MAGI1: variants seen among roughly 807,000 people sequenced by gnomAD.
MAGI1 encodes the protein membrane-associated guanylate kinase, WW and PDZ domain-containing protein 1.
A neutral mutation model predicts 139.9 loss-of-function variants in MAGI1; 58 were observed. That is an observed-to-expected ratio of 0.41 (90% CI 0.34 to 0.52). MAGI1 has a LOEUF of 0.52. Among genes scored for constraint, MAGI1 ranks in the 20% least tolerant of loss-of-function variants. The pLI, the probability that MAGI1 is intolerant of heterozygous loss-of-function variation, is 0.12. For missense variants in MAGI1, 1,874 were observed against 1,901.6 expected, an observed-to-expected ratio of 0.99 and a Z score of 0.27; for synonymous variants, 812 against 737.9, an observed-to-expected ratio of 1.10 and a Z score of -1.63.
chr3:65,440,865 G>C (rs1158200922), intron 8 of MAGI1, among the ~76,000 whole-genome samples: 2 of 148,748 alleles, frequency 1.3e-5, no homozygotes, highest in Non-Finnish European at 3.0e-5. Context: ...ACATATATAT[G>C]TATACACATA....
intron 1 of MAGI1, among the ~76,000 whole-genome samples, chr3:65,749,250 C>G (rs2035945415): frequency 6.6e-6 from 1 of 152,122 alleles, no homozygotes; most frequent in African/African-American, 2.4e-5. Context: ...TGATGCAATT[C>G]ATAAGAGCTG....
Position 65,429,576 on chromosome 3 carries a change from T to A in MAGI1, c.2111A>T (p.Asp704Val). The A allele has an allele frequency of 6.2e-7, 1 of 1,613,930 alleles. No homozygotes were observed. The highest frequency in any genetic ancestry group is 8.5e-7 in the Non-Finnish European group (1 of 1,179,900). The change falls in exon 12 of 23, where the codon GAT becomes GTT. Residue 704 changes from aspartate to valine, a missense_variant. Asp to Val is a radical substitution (Grantham distance 152, BLOSUM62 -3). Around this residue, in one of 5 missense-constraint regions of MAGI1, gnomAD observed 482 missense variants for 509.6 expected, o/e 0.95. Coordinates refer to ENST00000402939, the MANE Select transcript of MAGI1 (RefSeq NM_001033057.2). Reference sequence around the variant, plus strand: ...TCCCTTAGGACACTCAACCAGCATATCCACCACTTGGTTGTGAGTTAGGGC... The same window carrying A: ...TCCCTTAGGACACTCAACCAGCATAACCACCACTTGGTTGTGAGTTAGGGC... ...VQALTHNQVV[D>V]MLVECPKGSE...
chr3:65,494,426 A>G (rs768537961), intron 2 of MAGI1, among the ~76,000 whole-genome samples: 2 of 152,218 alleles, frequency 1.3e-5, no homozygotes, highest in Non-Finnish European at 2.9e-5. Context: ...AATCTCAGTC[A>G]ACAAAGTGGA....
rs185835891 is a variant in MAGI1 at position 65,543,536 on chromosome 3, T to C, written c.431-49905A>G. On this transcript the variant is annotated intron_variant, in intron 2 of 22. Coordinates refer to ENST00000402939, the MANE Select transcript of MAGI1 (RefSeq NM_001033057.2). ...TCAATGATAGACTGGATAAAGAAAA[T>C]GTGGCACATATATACCATGGAATAC... Among the ~76,000 whole-genome samples, 1,033 of 152,014 alleles carry C rather than the reference T, an allele frequency of 6.8e-3. 13 individuals are homozygous for C. The highest frequency in any genetic ancestry group is 0.028 in the Middle Eastern group (8 of 290).
chr3:65,597,153 C>G (rs1359910918), intron 2 of MAGI1, among the ~76,000 whole-genome samples: 1 of 151,966 alleles, frequency 6.6e-6, no homozygotes, highest in Admixed American at 6.6e-5. Flanking sequence ...TTAATATGCA[C>G]GGGGACGTAC....
intron 1 of MAGI1, among the ~76,000 whole-genome samples, chr3:65,947,887 G>C (rs1295742575): frequency 6.6e-6 from 1 of 151,524 alleles, no homozygotes; most frequent in Non-Finnish European, 1.5e-5. Context: ...AAAGTGCTGG[G>C]ATTACAGGCA....
chr3:65,450,710 T>G (rs994694403), intron 6 of MAGI1, among the ~76,000 whole-genome samples: 1 of 152,190 alleles, frequency 6.6e-6, no homozygotes, highest in Admixed American at 6.5e-5. Context: ...AAGGAGTCAT[T>G]CACTAACATC....
intron 1 of MAGI1, among the ~76,000 whole-genome samples, chr3:65,680,760 A>AATGAT (rs1553690349): frequency 0.26 from 34,839 of 135,018 alleles, 4,497 homozygotes; most frequent in Non-Finnish European, 0.28. Flanking sequence ...ATAATATAAT[A>AATGAT]ATGATATGAT....
intron 1 of MAGI1, among the ~76,000 whole-genome samples, chr3:65,845,418 C>T (rs906492258): frequency 1.3e-5 from 2 of 152,136 alleles, no homozygotes; most frequent in African/African-American, 4.8e-5. Flanking sequence ...GTTTCACCAT[C>T]TTTATCCAAA....
intron 1 of MAGI1, among the ~76,000 whole-genome samples, chr3:65,685,532 C>G (rs1482603211): frequency 6.6e-6 from 1 of 152,100 alleles, no homozygotes; most frequent in East Asian, 1.9e-4. Flanking sequence ...TTGTATTACA[C>G]ACAATGTCAA....
At chr3:65,384,714 C>CA (rs1273610252) in intron 14 of MAGI1, among the ~76,000 whole-genome samples, 1 of 151,966 alleles carries the variant, frequency 6.6e-6, no homozygotes, top group Non-Finnish European at 1.5e-5. Flanking sequence ...GCCTGGGTGA[C>CA]AGAGTAAGAC....
At chr3:65,936,721 GGTGT>G (rs2063071914) in intron 1 of MAGI1, among the ~76,000 whole-genome samples, 1 of 152,046 alleles carries the variant, frequency 6.6e-6, no homozygotes, top group African/African-American at 2.4e-5. Context: ...TCTCGTGCGG[GGTGT>G]GTGTGTATCT....
At chr3:65,435,940 A>G (rs112856564) in intron 10 of MAGI1, among the ~76,000 whole-genome samples, 1 of 152,170 alleles carries the variant, frequency 6.6e-6, no homozygotes, top group Admixed American at 6.5e-5. Flanking sequence ...AGAGAGGGGA[A>G]GGTAAGAAGG....
intron 22 of MAGI1, chr3:65,360,487 T>A (rs1215058179): frequency 3.0e-6 from 3 of 985,050 alleles, no homozygotes; most frequent in African/African-American, 1.7e-5. Flanking sequence ...AGTCTAAAGA[T>A]ATGACAAAGG....
chr3:65,745,869 C>T (rs1031663907), intron 1 of MAGI1, among the ~76,000 whole-genome samples: 11 of 152,082 alleles, frequency 7.2e-5, no homozygotes, highest in African/African-American at 1.9e-4. Flanking sequence ...GCTGGGATTA[C>T]ACGTGTGCAC....
intron 1 of MAGI1, among the ~76,000 whole-genome samples, chr3:65,955,220 C>G (rs1443991870): frequency 6.6e-6 from 1 of 152,200 alleles, no homozygotes; most frequent in Non-Finnish European, 1.5e-5. Context: ...TAAAAAATAA[C>G]CTTGGCCAGG....
intron 2 of MAGI1, among the ~76,000 whole-genome samples, chr3:65,550,526 C>T (rs1365328655): frequency 6.6e-6 from 1 of 152,188 alleles, no homozygotes; most frequent in Non-Finnish European, 1.5e-5. Flanking sequence ...CTGTCACCTC[C>T]GGGCAGCTCT....
At chr3:65,733,247 A>G (rs1285977582) in intron 1 of MAGI1, among the ~76,000 whole-genome samples, 4 of 152,124 alleles carry the variant, frequency 2.6e-5, no homozygotes, top group Non-Finnish European at 5.9e-5. Flanking sequence ...TTTAGTAGAA[A>G]TGGGATTTCA....
At chr3:65,777,414 G>A (rs967015870) in intron 1 of MAGI1, among the ~76,000 whole-genome samples, 2 of 152,032 alleles carry the variant, frequency 1.3e-5, no homozygotes, top group Non-Finnish European at 2.9e-5. Flanking sequence ...TAAATATCAG[G>A]TTCATTATCA....
Sources: gnomAD v4.1 joint callset for allele counts (sites outside exome capture counted in the v4.1 genomes callset) on GRCh38, gnomAD v4.1.1 for gene constraint, gnomAD v4.1.1 regional missense constraint, MANE v1.5 for transcripts, NCBI Gene and HGNC (gene_info 2026-07-23, HGNC 2026-07-21) for gene names.